Variants in KCNIP4 observed in about 807,000 individuals in gnomAD.
The protein encoded by KCNIP4 is Kv channel-interacting protein 4.
Under a neutral mutation model 34.0 loss-of-function variants are expected in KCNIP4, and 12 were observed. That is an observed-to-expected ratio of 0.35 (90% CI 0.23 to 0.57). The LOEUF is 0.57. Ranked by LOEUF, KCNIP4 falls within the 20% of genes least tolerant of loss-of-function variation. The pLI, the probability that KCNIP4 is intolerant of heterozygous loss-of-function variation, is 0.83. For missense variants in KCNIP4, 238 were observed against 311.7 expected, an observed-to-expected ratio of 0.76 and a Z score of 1.78; for synonymous variants, 124 against 102.2, an observed-to-expected ratio of 1.21 and a Z score of -1.29.
At chr4:21,218,020 A>AT (rs1757722137) in intron 1 of KCNIP4, among the ~76,000 whole-genome samples, 2 of 141,990 alleles carry the variant, frequency 1.4e-5, no homozygotes, top group Non-Finnish European at 3.1e-5. Flanking sequence ...TTTATTTATT[A>AT]TTATTATTTT....
chr4:21,197,523 C>A (rs1015114904), intron 1 of KCNIP4, among the ~76,000 whole-genome samples: 4 of 152,034 alleles, frequency 2.6e-5, no homozygotes, highest in African/African-American at 9.7e-5. Context: ...AGAGGACTTA[C>A]AACCAGACCA....
chr4:21,069,801 C>T (rs1342064377), intron 1 of KCNIP4, among the ~76,000 whole-genome samples: 1 of 152,096 alleles, frequency 6.6e-6, no homozygotes, highest in Non-Finnish European at 1.5e-5. Flanking sequence ...TTCTAAGTAC[C>T]CTTCACCCAT....
At chr4:21,461,582 G>T (rs1210546480) in intron 1 of KCNIP4, among the ~76,000 whole-genome samples, 1 of 151,946 alleles carries the variant, frequency 6.6e-6, no homozygotes, top group Non-Finnish European at 1.5e-5. Flanking sequence ...AGGAAATATT[G>T]GTTAAATTCC....
chr4:21,691,414 T>C (rs1711619733), intron 1 of KCNIP4, among the ~76,000 whole-genome samples: 1 of 152,166 alleles, frequency 6.6e-6, no homozygotes, highest in South Asian at 2.1e-4. Flanking sequence ...GCCTCTTCAA[T>C]AGTTTACTGT....
intron 1 of KCNIP4, among the ~76,000 whole-genome samples, chr4:21,905,078 G>A (rs1426129550): frequency 6.6e-6 from 1 of 152,260 alleles, no homozygotes; most frequent in South Asian, 2.1e-4. Context: ...TAAAGAAACT[G>A]CTCAAAGAGG....
chr4:20,924,733 T>C (rs978522568), intron 1 of KCNIP4, among the ~76,000 whole-genome samples: 2 of 152,200 alleles, frequency 1.3e-5, no homozygotes, highest in African/African-American at 2.4e-5. Flanking sequence ...TATCATCTTT[T>C]AGAAACTTCA....
At chr4:20,806,558 G>T (rs1715118312) in intron 3 of KCNIP4, among the ~76,000 whole-genome samples, 2 of 148,140 alleles carry the variant, frequency 1.4e-5, no homozygotes, top group Non-Finnish European at 1.5e-5. Flanking sequence ...GTTCTTCCTT[G>T]CTTCTTGTTT....
At chr4:21,611,631 GT>G (rs397879020) in intron 1 of KCNIP4, among the ~76,000 whole-genome samples, 2 of 146,546 alleles carry the variant, frequency 1.4e-5, no homozygotes, top group Admixed American at 6.7e-5. Context: ...CTGGTTTAAG[GT>G]TTTTTTGTTT....
chr4:21,444,085 A>G (rs1178547370), intron 1 of KCNIP4, among the ~76,000 whole-genome samples: 3 of 152,192 alleles, frequency 2.0e-5, no homozygotes, highest in Non-Finnish European at 4.4e-5. Flanking sequence ...GAAGAAGTTG[A>G]ATCTCTGAAT....
Position 21,859,761 on chromosome 4 carries a change from G to A in KCNIP4, c.61+88810C>T, listed in dbSNP as rs141289581. On this transcript the variant is annotated intron_variant, in intron 1 of 8. Coordinates refer to ENST00000382152, the MANE Select transcript of KCNIP4 (RefSeq NM_025221.6). ...AAAATTGATTCAGAAGGGAGTGGCG[G>A]CTCATGCCTGTAATCCCAGCACTTT... 4.7e-3 allele frequency among the ~76,000 whole-genome samples: 712 copies of A among 152,342 alleles called. 8 individuals carry two copies. The highest frequency in any genetic ancestry group is 6.6e-3 in the Admixed American group (101 of 15,310).
chr4:21,588,236 C>T (rs1467544348), intron 1 of KCNIP4, among the ~76,000 whole-genome samples: 1 of 151,814 alleles, frequency 6.6e-6, no homozygotes, highest in Non-Finnish European at 1.5e-5. Context: ...CAGATTCTGC[C>T]AATGAAATCA....
At chr4:21,587,237 G>A (rs1424290672) in intron 1 of KCNIP4, among the ~76,000 whole-genome samples, 2 of 152,170 alleles carry the variant, frequency 1.3e-5, no homozygotes, top group South Asian at 2.1e-4. Context: ...GTAACTTTGT[G>A]GATGCCACAC....
In KCNIP4 at chr4:21,685,909, T is replaced by C. The variant is rs118146252; in HGVS notation, c.61+262662A>G. Among the ~76,000 whole-genome samples, 259 of 152,336 alleles carry C rather than the reference T, an allele frequency of 1.7e-3. 3 individuals carry two copies. In the East Asian group the frequency reaches 0.025, roughly 15 times the overall value. ...GAACATTTGCATGTATTTGGGAACA[T>C]ACCCAGCACTTGGCTGTATAGTTTC... On this transcript the variant is annotated intron_variant, in intron 1 of 8. Transcript: ENST00000382152.
chr4:21,320,640 T>C (rs1714276405), intron 1 of KCNIP4, among the ~76,000 whole-genome samples: 1 of 152,162 alleles, frequency 6.6e-6, no homozygotes. Flanking sequence ...TTTGCTTGCC[T>C]GGCCCCAGTC....
At chr4:21,479,618 A>G (rs1417636493) in intron 1 of KCNIP4, among the ~76,000 whole-genome samples, 1 of 152,148 alleles carries the variant, frequency 6.6e-6, no homozygotes, top group East Asian at 1.9e-4. Flanking sequence ...TCTCAACATC[A>G]TTGTCATACA....
intron 1 of KCNIP4, among the ~76,000 whole-genome samples, chr4:21,169,288 G>A (rs1753840572): frequency 6.6e-6 from 1 of 152,018 alleles, no homozygotes; most frequent in Non-Finnish European, 1.5e-5. Flanking sequence ...AAGTAGCGAG[G>A]ACTGTAGGTT....
chr4:21,505,261 C>G (rs1733740128), intron 1 of KCNIP4, among the ~76,000 whole-genome samples: 1 of 135,002 alleles, frequency 7.4e-6, no homozygotes. Flanking sequence ...CATAAAATAG[C>G]AGTACTACAG....
Position 20,804,801 on chromosome 4 carries a change from C to G in KCNIP4, c.288+45742G>C, listed in dbSNP as rs71607038. On this transcript the variant is annotated intron_variant, in intron 3 of 8. Coordinates refer to ENST00000382152, the MANE Select transcript of KCNIP4 (RefSeq NM_025221.6). ...CAGGTCTATAGTTGGATAACGGAAACAACTGGATCAAAATATATGAAAGTC... is the reference window on the plus strand; with the variant it reads ...CAGGTCTATAGTTGGATAACGGAAAGAACTGGATCAAAATATATGAAAGTC... Among the ~76,000 whole-genome samples, 936 of 152,226 alleles carry G rather than the reference C, an allele frequency of 6.1e-3. 2 individuals are homozygous for G. The highest frequency in any genetic ancestry group is 0.017 in the Middle Eastern group (5 of 294).
intron 1 of KCNIP4, among the ~76,000 whole-genome samples, chr4:21,818,778 T>C (rs768199380): frequency 1.3e-5 from 2 of 152,228 alleles, no homozygotes; most frequent in Non-Finnish European, 2.9e-5. Flanking sequence ...ATCAGAGCTT[T>C]AATCAAACAA....
Sources: gnomAD v4.1 joint callset for allele counts (sites outside exome capture counted in the v4.1 genomes callset) on GRCh38, gnomAD v4.1.1 for gene constraint, MANE v1.5 for transcripts, NCBI Gene and HGNC (gene_info 2026-07-23, HGNC 2026-07-21) for gene names.